The following CHAF1B variants were observed in gnomAD, a reference collection of about 807,000 sequenced individuals.
CHAF1B encodes the protein CAF-1 subunit B.
A neutral mutation model predicts 60.7 loss-of-function variants in CHAF1B; 10 were observed. That is an observed-to-expected ratio of 0.16 (90% CI 0.10 to 0.28). The LOEUF (loss-of-function observed/expected upper bound fraction) is 0.28. Ranked by LOEUF, CHAF1B falls within the 10% of genes least tolerant of loss-of-function variation. The probability of loss-of-function intolerance (pLI) is 1.00; values close to 1 mark genes in which losing one functional copy is unlikely to be tolerated. For missense variants in CHAF1B, 558 were observed against 708.4 expected (o/e 0.79, Z 2.41); for synonymous variants, 261 against 266.1 (o/e 0.98, Z 0.19).
At chr21:36,397,278 TAC>T (rs2086148144) in intron 5 of CHAF1B, 135 bp from the exon 6 acceptor site, 1 of 426,508 alleles carries the variant, frequency 2.3e-6, no homozygotes, top group East Asian at 3.6e-5. Context: ...AGGGTTTTAG[TAC>T]AGAGTCTCTC....
At chr21:36,414,951 G>T (rs1225385244) in intron 12 of CHAF1B, among the ~76,000 whole-genome samples, 1 of 152,110 alleles carries the variant, frequency 6.6e-6, no homozygotes, top group Non-Finnish European at 1.5e-5. Flanking sequence ...CCTGTGTTTC[G>T]ACGCTTTCTA....
intron 4 of CHAF1B, among the ~76,000 whole-genome samples, chr21:36,392,959 C>T (rs1277262896): frequency 2.0e-5 from 3 of 152,202 alleles, no homozygotes; most frequent in Non-Finnish European, 2.9e-5. Context: ...TCTGCAATCC[C>T]GGCACCTCGG....
In CHAF1B at chr21:36,418,517, T is replaced by C. The variant is rs2086334292; in HGVS notation, c.*2151T>C. The stretch of plus-strand genomic sequence containing the variant: ...AATGACCATGGGTCCCCTGTCCTTA[T>C]TGAGCAGCCTGCTTCCTGGCCATAC... On this transcript the variant is annotated 3_prime_UTR_variant, in exon 14 of 14. Transcript: ENST00000314103. 1 of 152,226 alleles carries C rather than the reference T, an allele frequency of 6.6e-6. No individual in the cohort carries two copies. The highest frequency in any genetic ancestry group is 2.4e-5 in the African/African-American group (1 of 41,414). The allele number at this position is 152,226 out of a possible 1,614,324, so 9.4% of individuals were successfully genotyped here. A position where few individuals can be genotyped will look rare whatever the true frequency, so the allele number is the denominator to read the frequency against.
At chr21:36,387,060 G>A (rs190864974) in intron 2 of CHAF1B, among the ~76,000 whole-genome samples, 89 of 152,148 alleles carry the variant, frequency 5.8e-4, no homozygotes, top group Non-Finnish European at 9.4e-4. Context: ...GTAACTGGAC[G>A]TTCATTGTTT....
rs1568822211 is a variant in CHAF1B, at chr21:36,415,291, C to A, written c.1494-4C>A. On this transcript the variant is annotated splice_region_variant and splice_polypyrimidine_tract_variant and intron_variant, in intron 12 of 13. Transcript: ENST00000314103. ...CCCCTCTACTTTTTTTTTTTTAAATCAAGGAGAATAAACTTAACACCCTTA... is the reference window on the plus strand; with the variant it reads ...CCCCTCTACTTTTTTTTTTTTAAATAAAGGAGAATAAACTTAACACCCTTA... The A allele has an allele frequency of 1.3e-6, 2 of 1,568,788 alleles. No homozygotes were observed. Among genetic ancestry groups the A allele is most frequent in the Admixed American group, 1.8e-5 (1 of 56,642 alleles).
intron 6 of CHAF1B, 90 bp downstream of exon 6, chr21:36,397,601 T>G: frequency 1.7e-6 from 1 of 578,542 alleles, no homozygotes; most frequent in Non-Finnish European, 3.0e-6. Flanking sequence ...TAGCCAAGAT[T>G]TATCATAGTC....
Position 36,416,406 on chromosome 21 carries a change from G to A in CHAF1B, c.*40G>A, listed in dbSNP as rs371122870. On this transcript the variant is annotated 3_prime_UTR_variant, in exon 14 of 14. Coordinates refer to ENST00000314103, the MANE Select transcript of CHAF1B (RefSeq NM_005441.3). ...CTGCTCGAAGCCTACCAGGCTCCCG[G>A]TGTGTGCAGGGAGACGGTAAAGCTG... The A allele has an allele frequency of 6.4e-7, 1 of 1,558,784 alleles. No individual in the cohort carries two copies. Among genetic ancestry groups the A allele is most frequent in the Non-Finnish European group, 8.8e-7 (1 of 1,136,092 alleles).
At chr21:36,394,047 C>T (rs1038113959) in intron 4 of CHAF1B, among the ~76,000 whole-genome samples, 4 of 150,474 alleles carry the variant, frequency 2.7e-5, no homozygotes, top group African/African-American at 4.9e-5. Flanking sequence ...TACAGGTGTG[C>T]GCCACCACAC....
At chr21:36,406,016 A>G (rs1050740391) in intron 8 of CHAF1B, among the ~76,000 whole-genome samples, 1 of 152,154 alleles carries the variant, frequency 6.6e-6, no homozygotes, top group Non-Finnish European at 1.5e-5. Flanking sequence ...AGAAGATCCT[A>G]TAACACTACT....
intron 6 of CHAF1B, among the ~76,000 whole-genome samples, chr21:36,398,737 C>T (rs187107789): frequency 4.6e-5 from 7 of 152,218 alleles, no homozygotes; most frequent in Non-Finnish European, 8.8e-5. Context: ...GTCTTGTTGT[C>T]GTGTTTACTG....
intron 5 of CHAF1B, among the ~76,000 whole-genome samples, chr21:36,396,358 C>CAAAAA (rs777079304): frequency 0.035 from 1,840 of 52,762 alleles, 101 homozygotes; most frequent in African/African-American, 0.1. Context: ...CCAAAAACCT[C>CAAAAA]AAAAAAAAAA....
chr21:36,389,800 T>TGTGC, intron 3 of CHAF1B, among the ~76,000 whole-genome samples: 4,442 of 124,546 alleles, frequency 0.036, 91 homozygotes, highest in Non-Finnish European at 0.045. Context: ...TGTGTGTGTG[T>TGTGC]GCGCGCGCAC....
At chr21:36,402,565 T>C (rs1409466096) in intron 7 of CHAF1B, among the ~76,000 whole-genome samples, 193 bp from the exon 8 acceptor site, 2 of 152,228 alleles carry the variant, frequency 1.3e-5, no homozygotes, top group African/African-American at 4.8e-5. Flanking sequence ...TGTACAATTA[T>C]TTGATTTGTA....
At chr21:36,413,871 G>T (rs2086297706) in intron 12 of CHAF1B, among the ~76,000 whole-genome samples, 1 of 152,182 alleles carries the variant, frequency 6.6e-6, no homozygotes, top group South Asian at 2.1e-4. Flanking sequence ...GAGCCCCCAA[G>T]GACAGGAAGC....
chr21:36,403,903 T>C lies in CHAF1B; in HGVS notation c.757+1052T>C, dbSNP rs548770379. ...GTTTGCCACTGAGTCCCATCCCAGCTGAGCCAGGGAGGGCCTGAGAAGGGC... is the reference window on the plus strand; with the variant it reads ...GTTTGCCACTGAGTCCCATCCCAGCCGAGCCAGGGAGGGCCTGAGAAGGGC... On this transcript the variant is annotated intron_variant, in intron 8 of 13. Transcript: ENST00000314103. Among the ~76,000 whole-genome samples the C allele has an allele frequency of 2.8e-4, 42 of 152,304 alleles. No individual in the cohort carries two copies. In the East Asian group the frequency reaches 7.9e-3, roughly 29 times the overall value.
chr21:36,405,078 C>T (rs907302647), intron 8 of CHAF1B, among the ~76,000 whole-genome samples: 14 of 152,054 alleles, frequency 9.2e-5, no homozygotes, highest in African/African-American at 3.4e-4. Context: ...ACTATTTGGC[C>T]ACTCTAAAAA....
chr21:36,415,033 A>G (rs1438745131), intron 12 of CHAF1B, among the ~76,000 whole-genome samples: 2 of 152,242 alleles, frequency 1.3e-5, no homozygotes, highest in Non-Finnish European at 2.9e-5. Context: ...GGTAATGAAC[A>G]GAACACAGGT....
Position 36,391,556 on chromosome 21 carries a change from G to A in CHAF1B, c.265G>A (p.Val89Ile). ...EILASGGDDA[V>I]ILLWKVNDNK... Reference sequence around the variant, plus strand: ...GTTACTGAATCACCCTGCAGATGCTGTCATCCTATTGTGGAAGGTGAATGA... The same window carrying A: ...GTTACTGAATCACCCTGCAGATGCTATCATCCTATTGTGGAAGGTGAATGA... Residue 89 changes from valine (V) to isoleucine (I), a missense_variant, in exon 4 of 14, where the codon GTC becomes ATC. By Grantham distance (29) the Val-to-Ile change is conservative (BLOSUM62 3). Coordinates refer to ENST00000314103, the MANE Select transcript of CHAF1B (RefSeq NM_005441.3). 6.2e-7 allele frequency: 1 copy of A among 1,605,358 alleles called. No homozygotes were observed. The highest frequency in any genetic ancestry group is 1.1e-5 in the South Asian group (1 of 90,922).
chr21:36,391,730 A>G, intron 4 of CHAF1B, 62 bp downstream of exon 4: 1 of 1,071,346 alleles, frequency 9.3e-7, no homozygotes, highest in Non-Finnish European at 1.4e-6. Context: ...AATGGAATAT[A>G]CCTTTTGACT....
Sources: allele counts gnomAD v4.1 joint callset (sites outside exome capture counted in the v4.1 genomes callset), GRCh38; gene constraint gnomAD v4.1.1; transcripts MANE v1.5; gene names NCBI Gene and HGNC (gene_info 2026-07-23, HGNC 2026-07-21).